The following GNB1 variants were observed in gnomAD, a reference collection of about 807,000 sequenced individuals.
GNB1 encodes G protein subunit beta 1, also known as guanine nucleotide-binding protein G(I)/G(S)/G(T) subunit beta-1.
A neutral mutation model predicts 42.9 loss-of-function variants in GNB1; 2 were observed. The observed-to-expected ratio is 0.05, with a 90% CI of 0.02 to 0.15. The LOEUF (loss-of-function observed/expected upper bound fraction) is 0.15. Ranked by LOEUF, GNB1 falls within the 10% of genes least tolerant of loss-of-function variation. The pLI is 1.00. For synonymous variants in GNB1, 183 were observed against 174.7 expected, an observed-to-expected ratio of 1.05 and a Z score of -0.38; for missense variants, 193 against 462.2, an observed-to-expected ratio of 0.42 and a Z score of 5.34.
At chr1:1,802,667 G>C (rs1348536704) in intron 7 of GNB1, among the ~76,000 whole-genome samples, 3 of 151,856 alleles carry the variant, frequency 2.0e-5, no homozygotes, top group Non-Finnish European at 4.4e-5. Flanking sequence ...GGGAGGCTGA[G>C]GCAGGAGAAT....
chr1:1,831,391 T>C lies in GNB1; in HGVS notation c.-46-5892A>G, dbSNP rs1367217957. 8.5e-5 allele frequency among the ~76,000 whole-genome samples: 13 copies of C among 152,224 alleles called. No individual in the cohort carries two copies. In the East Asian group the frequency reaches 2.3e-3, roughly 27 times the overall value. On this transcript the variant is annotated intron_variant, in intron 2 of 11. Transcript: ENST00000378609. The stretch of plus-strand genomic sequence containing the variant: ...TTGCTAAGAACAATAAGGAAGACAG[T>C]AATAATTTGGGAAAACGCTTACTAT...
chr1:1,794,380 A>T (rs991715246), intron 7 of GNB1, among the ~76,000 whole-genome samples: 2 of 152,178 alleles, frequency 1.3e-5, no homozygotes, highest in Non-Finnish European at 2.9e-5. Context: ...CATTGATCAC[A>T]GTTCTGGTAT....
chr1:1,884,685 C>CT (rs546281492), intron 1 of GNB1, among the ~76,000 whole-genome samples: 1,507 of 145,180 alleles, frequency 0.01, 12 homozygotes, highest in African/African-American at 0.023. Context: ...TATTCCCATT[C>CT]TTTTTTTTTT....
chr1:1,849,439 T>C (rs6603801), intron 1 of GNB1, among the ~76,000 whole-genome samples: 125,945 of 152,086 alleles, frequency 0.83, 54,233 homozygotes, highest in Non-Finnish European at 0.95. Flanking sequence ...CTAGGTCTCA[T>C]TCTATCACCC....
chr1:1,890,311 T>G (rs1334772439), intron 1 of GNB1: 1 of 150,544 alleles, frequency 6.6e-6, no homozygotes, highest in Non-Finnish European at 1.5e-5. Context: ...CCCCATTTCA[T>G]TGTTCCCCTT....
chr1:1,875,138 A>G (rs1649471259), intron 1 of GNB1, among the ~76,000 whole-genome samples: 1 of 151,712 alleles, frequency 6.6e-6, no homozygotes. Flanking sequence ...CCGGCTCCTA[A>G]GAGACCACAG....
At chr1:1,842,230 A>G (rs559543354) in intron 1 of GNB1, among the ~76,000 whole-genome samples, 98 of 152,350 alleles carry the variant, frequency 6.4e-4, no homozygotes, top group African/African-American at 2.0e-3. Flanking sequence ...GCAGATTGAG[A>G]CCATCCTGGC....
At position 1,807,220 on chromosome 1, in the gene GNB1, G is replaced by C. The variant is rs117632960; in HGVS notation, c.204-682C>G. Among the ~76,000 whole-genome samples, 5 of 152,036 alleles carry C rather than the reference G, an allele frequency of 3.3e-5. No individual in the cohort carries two copies. The East Asian group carries it at 7.8e-4, about 24-fold the overall frequency. On this transcript the variant is annotated intron_variant, in intron 5 of 11. Transcript: ENST00000378609. ...CTCATGTCTTTAATCCCAACACTTTGGGAGGCCAAGGTAGGTGGATCACAG... is the reference window on the plus strand; with the variant it reads ...CTCATGTCTTTAATCCCAACACTTTCGGAGGCCAAGGTAGGTGGATCACAG...
At chr1:1,853,872 A>T (rs1425649617) in intron 1 of GNB1, among the ~76,000 whole-genome samples, 1 of 152,218 alleles carries the variant, frequency 6.6e-6, no homozygotes. Flanking sequence ...GAGTCTGAGT[A>T]CATATATAGT....
intron 2 of GNB1, among the ~76,000 whole-genome samples, chr1:1,831,252 G>A (rs1029032506): frequency 2.0e-5 from 3 of 151,926 alleles, no homozygotes; most frequent in Admixed American, 6.6e-5. Context: ...TGGGAGGATC[G>A]CTTGAGTCCA....
chr1:1,889,700 G>A (rs1650364821), intron 1 of GNB1, among the ~76,000 whole-genome samples: 1 of 147,344 alleles, frequency 6.8e-6, no homozygotes. Context: ...GATGAATTAA[G>A]CAAACAAAAG....
chr1:1,821,913 T>A (rs1388873471), intron 3 of GNB1, among the ~76,000 whole-genome samples: 1 of 152,110 alleles, frequency 6.6e-6, no homozygotes, highest in Middle Eastern at 3.2e-3. Flanking sequence ...GGCGGGAAGA[T>A]CCCTTGAGCC....
rs67155402 is a variant in GNB1, at chr1:1,877,298, CA to C, written c.-96+13521del. ...CTGGGCAATAAGTGAGACTCTGTCTCAAAAAAAAAAAAAAAAAAATATATAT... is the reference window on the plus strand; with the variant it reads ...CTGGGCAATAAGTGAGACTCTGTCTCAAAAAAAAAAAAAAAAAATATATAT... On this transcript the variant is annotated intron_variant, in intron 1 of 11. Transcript: ENST00000378609. Among the ~76,000 whole-genome samples the C allele has an allele frequency of 3.8e-3, 472 of 124,722 alleles. 1 individual carries two copies. The highest frequency in any genetic ancestry group is 0.018 in the East Asian group (75 of 4,262). 81.8% of individuals were successfully genotyped at this position (124,722 alleles called of 152,430 possible). A position where few individuals can be genotyped will look rare whatever the true frequency, so the allele number is the denominator to read the frequency against.
chr1:1,844,254 G>A (rs776753950), intron 1 of GNB1, among the ~76,000 whole-genome samples: 15 of 151,238 alleles, frequency 9.9e-5, no homozygotes, highest in African/African-American at 2.2e-4. Context: ...AGCCGGGCAC[G>A]GTGGCATGCA....
intron 1 of GNB1, among the ~76,000 whole-genome samples, chr1:1,847,358 T>C (rs1647724288): frequency 6.6e-6 from 1 of 152,176 alleles, no homozygotes; most frequent in Non-Finnish European, 1.5e-5. Flanking sequence ...GGAAGTACAC[T>C]TTGCCAGTAA....
chr1:1,805,745 T>C (rs997857022), intron 6 of GNB1, among the ~76,000 whole-genome samples: 2 of 152,054 alleles, frequency 1.3e-5, no homozygotes, highest in Non-Finnish European at 2.9e-5. Flanking sequence ...TTTCACCATG[T>C]TGGCTAGGCT....
At chr1:1,876,761 G>C (rs1649568695) in intron 1 of GNB1, among the ~76,000 whole-genome samples, 3 of 152,174 alleles carry the variant, frequency 2.0e-5, no homozygotes, top group Admixed American at 2.0e-4. Flanking sequence ...TTGGCTTGAA[G>C]CTAAGAATTT....
chr1:1,872,606 C>T (rs957602958), intron 1 of GNB1, among the ~76,000 whole-genome samples: 3 of 152,200 alleles, frequency 2.0e-5, no homozygotes, highest in South Asian at 2.1e-4. Context: ...AGGGCCTCTG[C>T]AATCACTGCC....
chr1:1,863,833 T>C lies in GNB1; in HGVS notation c.-95-24595A>G, dbSNP rs191907652. 2.2e-4 allele frequency among the ~76,000 whole-genome samples: 34 copies of C among 152,210 alleles called. No individual in the cohort carries two copies. In the East Asian group the frequency reaches 5.2e-3, roughly 23 times the overall value. On this transcript the variant is annotated intron_variant, in intron 1 of 11. Coordinates refer to ENST00000378609, the MANE Select transcript of GNB1 (RefSeq NM_002074.5). ...AGTGTAGTATATGGCAGCACATAATTGATAACATTTTTTTAAAGAATAGGA... is the reference window on the plus strand; with the variant it reads ...AGTGTAGTATATGGCAGCACATAATCGATAACATTTTTTTAAAGAATAGGA...
Sources: gnomAD v4.1 joint callset for allele counts (sites outside exome capture counted in the v4.1 genomes callset) on GRCh38, gnomAD v4.1.1 for gene constraint, MANE v1.5 for transcripts, NCBI Gene and HGNC (gene_info 2026-07-23, HGNC 2026-07-21) for gene names.